Variants in CTNND2 observed in about 807,000 individuals in gnomAD.
The protein encoded by CTNND2 is catenin delta 2.
Under a neutral mutation model 144.4 loss-of-function variants are expected in CTNND2, and 22 were observed. The observed-to-expected ratio is 0.15, with a 90% CI of 0.11 to 0.22. The LOEUF (loss-of-function observed/expected upper bound fraction) is 0.22. Ranked by LOEUF, CTNND2 falls within the 10% of genes least tolerant of loss-of-function variation. The pLI is 1.00. For missense variants in CTNND2, 1,353 were observed against 1,618.8 expected (o/e 0.84, Z 2.82); for synonymous variants, 751 against 695.6 (o/e 1.08, Z -1.25).
Position 11,089,291 on chromosome 5 carries a change from T to C in CTNND2, c.2638-6445A>G, listed in dbSNP as rs913229380. Among the ~76,000 whole-genome samples, 5 of 152,344 alleles carry C rather than the reference T, an allele frequency of 3.3e-5. No individual in the cohort carries two copies. In the South Asian group the frequency reaches 1.0e-3, roughly 32 times the overall value. On this transcript the variant is annotated intron_variant, in intron 15 of 21. Coordinates refer to ENST00000304623, the MANE Select transcript of CTNND2 (RefSeq NM_001332.4). ...TATGCTAGTGTACTAAAATAAACTCTCAATCATGGAACCCTAGCCCTAAGG... is the reference window on the plus strand; with the variant it reads ...TATGCTAGTGTACTAAAATAAACTCCCAATCATGGAACCCTAGCCCTAAGG...
At chr5:11,316,225 A>T (rs1751457570) in intron 9 of CTNND2, among the ~76,000 whole-genome samples, 1 of 151,962 alleles carries the variant, frequency 6.6e-6, no homozygotes, top group Non-Finnish European at 1.5e-5. Flanking sequence ...ACACTTTGTT[A>T]TTTATTTGTT....
chr5:11,050,408 T>C (rs886123030), intron 16 of CTNND2, among the ~76,000 whole-genome samples: 2 of 152,340 alleles, frequency 1.3e-5, no homozygotes, highest in South Asian at 2.1e-4. Context: ...AAATGGCTTA[T>C]AGATGTAGTA....
At position 11,810,862 on chromosome 5, in the gene CTNND2, A is replaced by AT. The variant is rs75054090; in HGVS notation, c.38-78591dup. 0.014 allele frequency among the ~76,000 whole-genome samples: 2,160 copies of AT among 151,684 alleles called. 118 individuals are homozygous for AT. In the East Asian group the frequency reaches 0.18, roughly 12 times the overall value. On this transcript the variant is annotated intron_variant, in intron 1 of 21. Transcript: ENST00000304623. ...ACCTGGTGTCGGCACTTAAGGGCCTATTTTTTTAAAAAAAAAGACAGACTT... is the reference window on the plus strand; with the variant it reads ...ACCTGGTGTCGGCACTTAAGGGCCTATTTTTTTTAAAAAAAAAGACAGACTT...
chr5:11,640,853 A>T (rs1423409478), intron 2 of CTNND2, among the ~76,000 whole-genome samples: 1 of 152,186 alleles, frequency 6.6e-6, no homozygotes, highest in Non-Finnish European at 1.5e-5. Flanking sequence ...TCTTGGACAG[A>T]GCTTCTGAAG....
At chr5:11,293,037 C>T (rs1748528402) in intron 9 of CTNND2, among the ~76,000 whole-genome samples, 1 of 152,226 alleles carries the variant, frequency 6.6e-6, no homozygotes, top group Non-Finnish European at 1.5e-5. Context: ...TTATTTAATG[C>T]TCACAATGAC....
intron 18 of CTNND2, among the ~76,000 whole-genome samples, chr5:11,009,767 C>G (rs1740867553): frequency 6.6e-6 from 1 of 152,246 alleles, no homozygotes; most frequent in African/African-American, 2.4e-5. Context: ...ATCCCAGCAA[C>G]AGCTGTAACT....
At chr5:11,055,555 CCA>C (rs1746270645) in intron 16 of CTNND2, among the ~76,000 whole-genome samples, 1 of 152,210 alleles carries the variant, frequency 6.6e-6, no homozygotes, top group African/African-American at 2.4e-5. Context: ...CTGAGTACTT[CCA>C]CACACAGGTG....
chr5:11,439,862 G>A (rs960923712), intron 3 of CTNND2, among the ~76,000 whole-genome samples: 1 of 150,286 alleles, frequency 6.7e-6, no homozygotes, highest in African/African-American at 2.5e-5. Context: ...TTAGAGACAG[G>A]GTCTTGTTAT....
At chr5:11,818,004 T>TTTTTTTTTTTTTC (rs1554126308) in intron 1 of CTNND2, among the ~76,000 whole-genome samples, 1 of 93,282 alleles carries the variant, frequency 1.1e-5, no homozygotes, top group Admixed American at 1.4e-4. Flanking sequence ...TTTTTTTTTT[T>TTTTTTTTTTTTTC]CAGTTCTCCT....
intron 10 of CTNND2, among the ~76,000 whole-genome samples, chr5:11,214,876 C>T (rs1739006871): frequency 6.6e-6 from 1 of 152,178 alleles, no homozygotes; most frequent in South Asian, 2.1e-4. Flanking sequence ...CACCCCTTCC[C>T]CCTTCATCCT....
intron 9 of CTNND2, among the ~76,000 whole-genome samples, chr5:11,327,791 T>C (rs770424315): frequency 1.3e-5 from 2 of 152,220 alleles, no homozygotes; most frequent in African/African-American, 4.8e-5. Context: ...GGGATCTTGA[T>C]AAAATGCAGA....
At chr5:11,673,463 A>G (rs1463420668) in intron 2 of CTNND2, among the ~76,000 whole-genome samples, 1 of 152,194 alleles carries the variant, frequency 6.6e-6, no homozygotes, top group African/African-American at 2.4e-5. Context: ...TTAATGGTTA[A>G]GCAAAGACTT....
At chr5:11,372,397 G>A (rs7737123) in intron 7 of CTNND2, among the ~76,000 whole-genome samples, 4,646 of 152,252 alleles carry the variant, frequency 0.031, 267 homozygotes, top group East Asian at 0.15. Context: ...TAATGATAGT[G>A]GTAACGGAGT....
intron 9 of CTNND2, among the ~76,000 whole-genome samples, chr5:11,304,393 C>A (rs542514475): frequency 6.6e-6 from 1 of 152,144 alleles, no homozygotes; most frequent in East Asian, 1.9e-4. Flanking sequence ...GCACACCACA[C>A]ACACTTACAC....
At chr5:11,295,842 T>A (rs1037128809) in intron 9 of CTNND2, among the ~76,000 whole-genome samples, 1 of 152,052 alleles carries the variant, frequency 6.6e-6, no homozygotes, top group African/African-American at 2.4e-5. Context: ...TCAAGATGCA[T>A]TAAAGACTTA....
At chr5:11,817,749 G>C (rs1793070687) in intron 1 of CTNND2, among the ~76,000 whole-genome samples, 1 of 152,036 alleles carries the variant, frequency 6.6e-6, no homozygotes, top group African/African-American at 2.4e-5. Context: ...CACTCACAAA[G>C]TGAGAAACCA....
chr5:11,462,551 T>C (rs1057295950), intron 3 of CTNND2, among the ~76,000 whole-genome samples: 1 of 151,750 alleles, frequency 6.6e-6, no homozygotes, highest in African/African-American at 2.4e-5. Context: ...AGATTCTATT[T>C]TTTTTTTCCC....
chr5:11,685,290 T>A (rs1441174572), intron 2 of CTNND2, among the ~76,000 whole-genome samples: 3 of 152,174 alleles, frequency 2.0e-5, no homozygotes, highest in African/African-American at 7.2e-5. Context: ...GAACACATAT[T>A]CAGTCAAAAC....
intron 3 of CTNND2, among the ~76,000 whole-genome samples, chr5:11,439,305 C>A (rs1764042284): frequency 6.6e-6 from 1 of 152,076 alleles, no homozygotes; most frequent in Non-Finnish European, 1.5e-5. Flanking sequence ...AGAGGGGATG[C>A]CTTGGTCAGG....
Sources: gnomAD v4.1 joint callset for allele counts (sites outside exome capture counted in the v4.1 genomes callset) on GRCh38, gnomAD v4.1.1 for gene constraint, MANE v1.5 for transcripts, NCBI Gene and HGNC (gene_info 2026-07-23, HGNC 2026-07-21) for gene names.